The following OPRM1 variants were observed in gnomAD, a reference collection of about 807,000 sequenced individuals.
OPRM1 encodes opioid receptor mu 1.
A neutral mutation model predicts 31.8 loss-of-function variants in OPRM1; 27 were observed. The observed-to-expected ratio is 0.85, with a 90% CI of 0.63 to 1.17. The LOEUF is 1.17. Among genes scored for constraint, OPRM1 ranks in the 50% most tolerant of loss-of-function variants. The pLI, the probability that OPRM1 is intolerant of heterozygous loss-of-function variation, is 0.00. For synonymous variants in OPRM1, 196 were observed against 189.9 expected (o/e 1.03, Z -0.26); for missense variants, 536 against 511.1 (o/e 1.05, Z -0.47).
chr6:154,223,233 G>A, intron 3 of OPRM1: 1 of 1,612,706 alleles, frequency 6.2e-7, no homozygotes, highest in Non-Finnish European at 8.5e-7. Flanking sequence ...AAATCCATCA[G>A]CTTTCTCTGC....
At chr6:154,118,483 A>G (rs1797103926) in intron 3 of OPRM1, among the ~76,000 whole-genome samples, 200 bp from the exon 4 acceptor site, 1 of 152,204 alleles carries the variant, frequency 6.6e-6, no homozygotes, top group Non-Finnish European at 1.5e-5. Context: ...TGAAGAGCAT[A>G]TTCATAATGA....
intron 3 of OPRM1, among the ~76,000 whole-genome samples, chr6:154,206,902 G>A (rs1230890578): frequency 6.6e-6 from 1 of 152,242 alleles, no homozygotes; most frequent in African/African-American, 2.4e-5. Context: ...AGACTGCAAT[G>A]GCAGCCTGAA....
At chr6:154,211,628 A>G (rs1777973563) in intron 3 of OPRM1, among the ~76,000 whole-genome samples, 1 of 152,180 alleles carries the variant, frequency 6.6e-6, no homozygotes, top group Admixed American at 6.5e-5. Flanking sequence ...CACTCACCAC[A>G]ATGAAGGTGA....
intron 1 of OPRM1, among the ~76,000 whole-genome samples, chr6:154,048,656 T>A (rs1192159403): frequency 6.6e-6 from 1 of 152,230 alleles, no homozygotes; most frequent in African/African-American, 2.4e-5. Context: ...AAGTATAAAA[T>A]CTAATTTAAA....
chr6:154,181,728 G>A (rs546402405), intron 3 of OPRM1, among the ~76,000 whole-genome samples: 9 of 152,248 alleles, frequency 5.9e-5, no homozygotes, highest in Admixed American at 1.3e-4. Context: ...CCACAGGGCC[G>A]CAGGGCACGA....
chr6:154,236,532 T>C (rs1272541327), intron 3 of OPRM1, among the ~76,000 whole-genome samples: 1 of 152,208 alleles, frequency 6.6e-6, no homozygotes, highest in Non-Finnish European at 1.5e-5. Flanking sequence ...CCCTTAAAAA[T>C]GGCTAAGATG....
chr6:154,223,290 G>T, intron 3 of OPRM1: 1 of 1,373,192 alleles, frequency 7.3e-7, no homozygotes, highest in South Asian at 1.2e-5. Context: ...ATCAATCCTG[G>T]GGATTAGTGC....
chr6:154,030,687 C>T (rs1253864185), intron 1 of OPRM1, among the ~76,000 whole-genome samples: 1 of 152,054 alleles, frequency 6.6e-6, no homozygotes, highest in African/African-American at 2.4e-5. Context: ...ACAGTCTAGT[C>T]GAGACCAGAC....
At chr6:154,190,940 C>A (rs576993420) in intron 3 of OPRM1, among the ~76,000 whole-genome samples, 1 of 152,128 alleles carries the variant, frequency 6.6e-6, no homozygotes, top group Admixed American at 6.5e-5. Context: ...CCTATAGTCC[C>A]AGCTACTCAG....
chr6:154,098,072 T>A (rs1251287853), intron 3 of OPRM1, among the ~76,000 whole-genome samples: 1 of 152,086 alleles, frequency 6.6e-6, no homozygotes, highest in Admixed American at 6.6e-5. Flanking sequence ...TCTACTAAAT[T>A]TATAAAATTT....
At chr6:154,140,418 T>A (rs1798170195) in intron 3 of OPRM1, among the ~76,000 whole-genome samples, 2 of 151,590 alleles carry the variant, frequency 1.3e-5, no homozygotes, top group South Asian at 4.2e-4. Flanking sequence ...GCAACCTCCA[T>A]CTCCCAGGTT....
downstream of OPRM1, among the ~76,000 whole-genome samples, chr6:154,134,156 A>T (rs1196004776): frequency 6.6e-6 from 1 of 152,226 alleles, no homozygotes; most frequent in East Asian, 1.9e-4. Context: ...AGGAGGCAAC[A>T]TCCATGCCTA....
At chr6:154,149,399 C>T (rs141222479) in intron 3 of OPRM1, among the ~76,000 whole-genome samples, 176 of 152,152 alleles carry the variant, frequency 1.2e-3, no homozygotes, top group Non-Finnish European at 2.0e-3. Context: ...TCCCATGACA[C>T]GTGGGATTAT....
chr6:154,177,243 C>T (rs1411554218), intron 3 of OPRM1, among the ~76,000 whole-genome samples: 3 of 152,174 alleles, frequency 2.0e-5, no homozygotes, highest in Non-Finnish European at 4.4e-5. Context: ...GACTTCATGA[C>T]TAAAACACCA....
chr6:154,212,818 T>C (rs771338639), intron 3 of OPRM1: 1 of 1,613,674 alleles, frequency 6.2e-7, no homozygotes, highest in Non-Finnish European at 8.5e-7. Context: ...TCTCCGCAGC[T>C]ATTTCTGGAT....
At chr6:154,142,610 G>C (rs1457898054) in intron 3 of OPRM1, among the ~76,000 whole-genome samples, 1 of 152,078 alleles carries the variant, frequency 6.6e-6, no homozygotes, top group Non-Finnish European at 1.5e-5. Flanking sequence ...GGTCAAACGG[G>C]GCACTTGTCC....
chr6:154,204,259 T>G (rs1777305894), intron 3 of OPRM1, among the ~76,000 whole-genome samples: 1 of 152,176 alleles, frequency 6.6e-6, no homozygotes, highest in Non-Finnish European at 1.5e-5. Context: ...AAACACAAGT[T>G]TGACATGGTG....
Position 154,122,151 on chromosome 6 carries a change from CCA to C in OPRM1, c.*3441_*3442del, listed in dbSNP as rs201430690. Among the ~76,000 whole-genome samples, 1,019 of 152,150 alleles carry C rather than the reference CCA, an allele frequency of 6.7e-3. 6 individuals are homozygous for C. Among genetic ancestry groups the C allele is most frequent in the African/African-American group, 0.023 (973 of 41,520 alleles). On this transcript the variant is annotated 3_prime_UTR_variant, in exon 4 of 4. Transcript: ENST00000330432. ...TTAAGTTTTTCAGCTTCTTAACTGG[CCA>C]CACACACACAAGTTGTGTTTGTACA...
chr6:154,130,606 A>C lies in OPRM1; in HGVS notation c.*11885A>C, dbSNP rs970588107. Reference sequence around the variant, plus strand: ...GCCTATAAATCCCCATCAATTTAATAGGAATTAAGTTAGAAATACTAGTAT... The same window carrying C: ...GCCTATAAATCCCCATCAATTTAATCGGAATTAAGTTAGAAATACTAGTAT... On this transcript the variant is annotated 3_prime_UTR_variant, in exon 4 of 4. Transcript: ENST00000330432. 6.6e-6 allele frequency among the ~76,000 whole-genome samples: 1 copy of C among 152,180 alleles called. No individual in the cohort carries two copies. The highest frequency in any genetic ancestry group is 1.5e-5 in the Non-Finnish European group (1 of 68,040).
Sources: allele counts gnomAD v4.1 joint callset (sites outside exome capture counted in the v4.1 genomes callset), GRCh38; gene constraint gnomAD v4.1.1; transcripts MANE v1.5; gene names NCBI Gene and HGNC (gene_info 2026-07-23, HGNC 2026-07-21).